Variants in SPAG1 observed in about 807,000 individuals in gnomAD.
The protein encoded by SPAG1 is sperm-associated antigen 1.
SPAG1 carries 69 observed loss-of-function variants against 100.5 expected under a neutral mutation model. The observed-to-expected ratio is 0.69, with a 90% CI of 0.57 to 0.84. SPAG1 has a LOEUF of 0.84. SPAG1 is among the 40% of genes least tolerant of loss of function. SPAG1 has a pLI of 0.00. For synonymous variants in SPAG1, 336 were observed against 411.6 expected (o/e 0.82, Z 2.22); for missense variants, 955 against 1,133.1 (o/e 0.84, Z 2.26).
chr8:100,230,481 A>G (rs555600053), intron 14 of SPAG1, among the ~76,000 whole-genome samples: 9 of 152,322 alleles, frequency 5.9e-5, no homozygotes, highest in African/African-American at 2.2e-4. Flanking sequence ...CTCTTGTCAT[A>G]TAGTCACCTG....
rs199729780 is a variant in SPAG1 at position 100,169,768 on chromosome 8, GT to G, written c.300+3796del. 4.8e-3 allele frequency among the ~76,000 whole-genome samples: 736 copies of G among 152,078 alleles called. 10 individuals are homozygous for G. The highest frequency in any genetic ancestry group is 0.017 in the African/African-American group (718 of 41,492). ...AAGAATCAGTTGATCTTATGTGTGG[GT>G]CTATTTCTGACTCTTTCAATTCTGT... On this transcript the variant is annotated intron_variant, in intron 3 of 18. Transcript: ENST00000388798.
intron 7 of SPAG1, 33 bp from the exon 8 acceptor site, chr8:100,187,087 C>T: frequency 1.3e-6 from 2 of 1,589,492 alleles, no homozygotes; most frequent in Non-Finnish European, 1.7e-6. Flanking sequence ...TTACCTTAGG[C>T]TTGCTTGTTG....
chr8:100,194,263 A>G lies in SPAG1; in HGVS notation c.1091A>G (p.Asp364Gly), dbSNP rs1297021992. 3 of 1,607,754 alleles carry G rather than the reference A, an allele frequency of 1.9e-6. No individual in the cohort carries two copies. The highest frequency in any genetic ancestry group is 2.7e-5 in the African/African-American group (2 of 74,798). Residue 364 changes from aspartate (D) to glycine (G), a missense_variant, in exon 10 of 19, where the codon GAT (aspartate) becomes GGT (glycine). Coordinates refer to ENST00000388798, the MANE Select transcript of SPAG1 (RefSeq NM_003114.5). ...SGRKHEDGGG[D>G]KKPAEPAGAA... is the part of the protein sequence containing the mutation. ...AGAAAACATGAAGATGGCGGTGGAG[A>G]TAAGAGTAAAATATTTTTTCTATTT... is the stretch of plus-strand genomic sequence containing the variant.
At chr8:100,164,935 A>T (rs1371920491) in intron 2 of SPAG1, among the ~76,000 whole-genome samples, 1 of 152,190 alleles carries the variant, frequency 6.6e-6, no homozygotes, top group Non-Finnish European at 1.5e-5. Context: ...TTTCCAAAAA[A>T]TTATCAGAAG....
intron 14 of SPAG1, among the ~76,000 whole-genome samples, chr8:100,229,365 A>C (rs1818659715): frequency 6.6e-6 from 1 of 152,188 alleles, no homozygotes; most frequent in East Asian, 1.9e-4. Flanking sequence ...GCTTGCAGTG[A>C]GCTGAGATTG....
At chr8:100,165,216 C>T (rs1275679672) in intron 2 of SPAG1, 5 of 508,290 alleles carry the variant, frequency 9.8e-6, no homozygotes, top group Admixed American at 2.2e-5. Context: ...TCCAAGCAGC[C>T]GATATTAACA....
At chr8:100,163,811 TATC>T (rs1359304835) in intron 2 of SPAG1, among the ~76,000 whole-genome samples, 1 of 152,202 alleles carries the variant, frequency 6.6e-6, no homozygotes, top group African/African-American at 2.4e-5. Context: ...AGCAGAATAT[TATC>T]ATGTATACTT....
In SPAG1 at chr8:100,239,372, G is replaced by A; in HGVS notation, c.2248G>A (p.Glu750Lys). Residue 750 changes from glutamate (E) to lysine (K), a missense_variant, in exon 17 of 19, where the codon GAA becomes AAA. Transcript: ENST00000388798. The surrounding 1 kb of genome is among the most constrained non-coding windows in gnomAD (Gnocchi z 5.0). ...LKDKTAPFNK[E>K]KERRKIEIQE... is the part of the protein sequence containing the mutation. ...GGATAAGACAGCACCATTCAACAAA[G>A]AAAAGGAGAGAAGGAAAATTGAGAT... The A allele has an allele frequency of 6.2e-7, 1 of 1,606,172 alleles. No individual in the cohort carries two copies. Among genetic ancestry groups the A allele is most frequent in the Non-Finnish European group, 8.5e-7 (1 of 1,173,116 alleles).
At chr8:100,168,714 C>CTTTTTTTTT in intron 3 of SPAG1, among the ~76,000 whole-genome samples, 1 of 30,174 alleles carries the variant, frequency 3.3e-5, no homozygotes, top group Admixed American at 4.3e-4. Flanking sequence ...TGAGACAGAG[C>CTTTTTTTTT]TTTGCTCTTG....
intron 12 of SPAG1, among the ~76,000 whole-genome samples, chr8:100,219,457 C>G (rs972015356): frequency 6.6e-6 from 1 of 152,176 alleles, no homozygotes; most frequent in African/African-American, 2.4e-5. Flanking sequence ...ACCAAGAGTA[C>G]TATAGTTTTC....
intron 10 of SPAG1, among the ~76,000 whole-genome samples, chr8:100,198,127 A>G (rs984287131): frequency 7.2e-5 from 11 of 152,192 alleles, no homozygotes; most frequent in African/African-American, 2.4e-4. Context: ...CCTCCCTTGC[A>G]GTGCTGTTGG....
At chr8:100,189,611 C>T (rs76241256) in intron 8 of SPAG1, among the ~76,000 whole-genome samples, 3 of 152,086 alleles carry the variant, frequency 2.0e-5, no homozygotes, top group Non-Finnish European at 2.9e-5. Context: ...GCTGAGATCA[C>T]GCCACTGCAC....
chr8:100,212,170 G>A (rs1586492427), intron 10 of SPAG1, among the ~76,000 whole-genome samples: 1 of 152,152 alleles, frequency 6.6e-6, no homozygotes, highest in East Asian at 1.9e-4. Flanking sequence ...TTGTCTTAAG[G>A]TGATCATCCA....
intron 12 of SPAG1, among the ~76,000 whole-genome samples, chr8:100,214,810 T>C (rs117463347): frequency 0.065 from 9,836 of 151,272 alleles, 422 homozygotes; most frequent in Non-Finnish European, 0.097. Context: ...TGAAAGCTAG[T>C]CTCTACTAAA....
At chr8:100,223,966 C>T (rs1293807229) in intron 13 of SPAG1, among the ~76,000 whole-genome samples, 1 of 152,064 alleles carries the variant, frequency 6.6e-6, no homozygotes, top group African/African-American at 2.4e-5. Context: ...AAGTTTTTCA[C>T]ACAAAAAGTT....
At chr8:100,167,921 A>AT (rs1214504265) in intron 3 of SPAG1, among the ~76,000 whole-genome samples, 1 of 152,200 alleles carries the variant, frequency 6.6e-6, no homozygotes, top group African/African-American at 2.4e-5. Flanking sequence ...GTATGTTGTC[A>AT]TTCCTGTGTG....
In SPAG1 at chr8:100,204,324, C is replaced by T. The variant is rs186033406; in HGVS notation, c.1097-8766C>T. Among the ~76,000 whole-genome samples, 640 of 152,124 alleles carry T rather than the reference C, an allele frequency of 4.2e-3. 6 individuals are homozygous for T. The highest frequency in any genetic ancestry group is 0.014 in the African/African-American group (592 of 41,500). The stretch of plus-strand genomic sequence containing the variant: ...TGAGAGTGTGACCCATAAGGAGGTG[C>T]GCTACACTCAAAAATAACTGTTTGA... On this transcript the variant is annotated intron_variant, in intron 10 of 18. Transcript: ENST00000388798.
At chr8:100,162,557 C>T in intron 2 of SPAG1, 137 bp downstream of exon 2, 1 of 671,914 alleles carries the variant, frequency 1.5e-6, no homozygotes, top group Non-Finnish European at 2.4e-6. Context: ...TGGTTTTGAT[C>T]CTATGGTTAG....
intron 3 of SPAG1, among the ~76,000 whole-genome samples, chr8:100,168,551 AC>A (rs1455063412): frequency 6.9e-6 from 1 of 144,310 alleles, no homozygotes; most frequent in African/African-American, 2.6e-5. Context: ...GTACCACCAC[AC>A]CTGGCTATTT....
Sources: allele counts gnomAD v4.1 joint callset (sites outside exome capture counted in the v4.1 genomes callset), GRCh38; gene constraint gnomAD v4.1.1; non-coding constraint Gnocchi (gnomAD v3.1); transcripts MANE v1.5; gene names NCBI Gene and HGNC (gene_info 2026-07-23, HGNC 2026-07-21).